The following ZNF518A variants were observed in gnomAD, a reference collection of about 807,000 sequenced individuals.
The protein encoded by ZNF518A is zinc finger protein 518A.
A neutral mutation model predicts 102.7 loss-of-function variants in ZNF518A; 47 were observed. The ratio of observed to expected loss-of-function variants is 0.46; its 90% CI spans 0.36 to 0.58. The LOEUF is 0.58. Ranked by LOEUF, ZNF518A falls within the 20% of genes least tolerant of loss-of-function variation. The pLI is 0.00. For missense variants in ZNF518A, 1,793 were observed against 1,699.8 expected, an observed-to-expected ratio of 1.05 and a Z score of -0.96; for synonymous variants, 652 against 594.6, an observed-to-expected ratio of 1.10 and a Z score of -1.40.
rs2082973731 is a variant in ZNF518A at position 96,160,896 on chromosome 10, GTTGA to G, written c.*126_*129del. 7 of 1,059,764 alleles carry G rather than the reference GTTGA, an allele frequency of 6.6e-6. No individual in the cohort carries two copies. Among genetic ancestry groups the G allele is most frequent in the Non-Finnish European group, 8.9e-6 (7 of 782,534 alleles). The allele number at this position is 1,059,764 out of a possible 1,614,324, so 65.6% of individuals were successfully genotyped here. Reference sequence around the variant, plus strand: ...GTACCTGAAATCGAACATTTTAAAAGTTGATTGTATTTCTGTGGAAGAGTAAAAG... The same window carrying G: ...GTACCTGAAATCGAACATTTTAAAAGTTGTATTTCTGTGGAAGAGTAAAAG... On this transcript the variant is annotated 3_prime_UTR_variant, in exon 6 of 6. Coordinates refer to ENST00000316045, the MANE Select transcript of ZNF518A (RefSeq NM_001330736.2).
Position 96,158,256 on chromosome 10 carries a change from T to G in ZNF518A, c.1934T>G (p.Val645Gly), listed in dbSNP as rs782269686. The change falls in exon 6 of 6, where the codon GTG (valine) becomes GGG (glycine). Residue 645 changes from valine (V) to glycine (G), a missense_variant. Val to Gly is a moderately radical substitution (Grantham distance 109). This residue lies in a region of ZNF518A where 1,741 missense variants were observed against 1,622.6 expected (regional missense o/e 1.07). Coordinates refer to ENST00000316045, the MANE Select transcript of ZNF518A (RefSeq NM_001330736.2). ...TTACCTTTTCATAATTACTCAAAAG[T>G]GAATAATTCTAATAAACGTCGTAGG... is the stretch of plus-strand genomic sequence containing the variant. ...GSLPFHNYSK[V>G]NNSNKRRRFS... 6.2e-7 allele frequency: 1 copy of G among 1,613,496 alleles called. No homozygotes were observed. The highest frequency in any genetic ancestry group is 1.1e-5 in the South Asian group (1 of 91,058).
At position 96,156,203 on chromosome 10, in the gene ZNF518A, T is replaced by A. The variant is rs1554882196; in HGVS notation, c.-120T>A. 6 of 874,194 alleles carry A rather than the reference T, an allele frequency of 6.9e-6. No individual in the cohort carries two copies. In the Admixed American group the frequency reaches 1.2e-4, roughly 18 times the overall value. 54.2% of individuals were successfully genotyped at this position (874,194 alleles called of 1,614,324 possible). ...ATTCTTTGTTTAATTTTAGGTGAGT[T>A]ATTGTGGGAAAAATCCTGTATATTG... On this transcript the variant is annotated 5_prime_UTR_variant, in exon 6 of 6. Transcript: ENST00000316045.
rs907793205 is a variant in ZNF518A at position 96,186,895 on chromosome 10, A to C, written n.36-16679A>C. 3.9e-5 allele frequency among the ~76,000 whole-genome samples: 6 copies of C among 152,338 alleles called. No homozygotes were observed. The East Asian group carries it at 1.2e-3, about 29-fold the overall frequency. ...GGGTCATTCACATATTTAGTAGAAT[A>C]ATATGTCCATCTTGATGCATCAAAG... On this transcript the variant is annotated intron_variant and non_coding_transcript_variant, in intron 1 of 2. Coordinates refer to the ZNF518A transcript ENST00000442635.
In ZNF518A at chr10:96,158,967, C is replaced by A; in HGVS notation, c.2645C>A (p.Ser882Ter). The change falls in exon 6 of 6, where the codon TCA (serine) becomes TAA (stop). Residue 882 changes from serine (S) to a stop codon, truncating the protein, a stop_gained. Transcript: ENST00000316045. LOFTEE classifies it high-confidence loss of function. The stretch of plus-strand genomic sequence containing the variant: ...GATTCAGAGAAGATGCCTAGAATTT[C>A]AGGTTTTGGCACATTACTTAAGACT... The part of the protein sequence containing the change: ...VRDSEKMPRI[S>*]GFGTLLKTQS... 2 of 1,613,496 alleles carry A rather than the reference C, an allele frequency of 1.2e-6. No individual in the cohort carries two copies. Among genetic ancestry groups the A allele is most frequent in the Non-Finnish European group, 1.7e-6 (2 of 1,179,692 alleles).
intron 2 of ZNF518A, among the ~76,000 whole-genome samples, chr10:96,133,321 T>C (rs1040964994): frequency 9.9e-5 from 15 of 152,268 alleles, no homozygotes; most frequent in East Asian, 9.6e-4. Context: ...TTATCTGATA[T>C]GTGTTTATAT....
At chr10:96,183,697 GTTC>G (rs1163132571) in intron 1 of ZNF518A, among the ~76,000 whole-genome samples, 1 of 152,160 alleles carries the variant, frequency 6.6e-6, no homozygotes, top group African/African-American at 2.4e-5. Context: ...TGTGATTTCT[GTTC>G]TTCTGCATTT....
Position 96,159,843 on chromosome 10 carries a change from T to C in ZNF518A, c.3521T>C (p.Val1174Ala), listed in dbSNP as rs368906589. The C allele has an allele frequency of 5.6e-6, 9 of 1,613,512 alleles. No individual in the cohort carries two copies. The African/African-American group carries it at 1.2e-4, about 22-fold the overall frequency. The change falls in exon 6 of 6, where the codon GTA becomes GCA. Residue 1174 changes from valine to alanine, a missense_variant. Coordinates refer to ENST00000316045, the MANE Select transcript of ZNF518A (RefSeq NM_001330736.2). ...NSASSLQKDNVPSNQIIGGEQ... is the reference protein window; with the variant it reads ...NSASSLQKDNAPSNQIIGGEQ... ...GCATCCTCATTGCAAAAAGACAACGTACCATCTAATCAGATTATAGGAGGA... is the reference window on the plus strand; with the variant it reads ...GCATCCTCATTGCAAAAAGACAACGCACCATCTAATCAGATTATAGGAGGA...
chr10:96,136,287 C>T (rs1382759437), intron 3 of ZNF518A, among the ~76,000 whole-genome samples: 2 of 151,532 alleles, frequency 1.3e-5, no homozygotes, highest in South Asian at 2.1e-4. Context: ...TTTTATTCAT[C>T]TGTCTTGAAG....
At chr10:96,179,367 GA>G (rs2083225003) in intron 1 of ZNF518A, among the ~76,000 whole-genome samples, 1 of 152,068 alleles carries the variant, frequency 6.6e-6, no homozygotes, top group South Asian at 2.1e-4. Flanking sequence ...ATGGGCACAT[GA>G]AAAGATACTC....
intron 1 of ZNF518A, among the ~76,000 whole-genome samples, chr10:96,180,569 C>T (rs2083234434): frequency 6.6e-6 from 1 of 151,922 alleles, no homozygotes; most frequent in African/African-American, 2.4e-5. Flanking sequence ...TGTTCACTTC[C>T]CACCTATGAG....
chr10:96,134,254 G>A (rs782642700), intron 3 of ZNF518A, among the ~76,000 whole-genome samples: 4 of 151,994 alleles, frequency 2.6e-5, no homozygotes, highest in Non-Finnish European at 5.9e-5. Context: ...TTTTTGAGAC[G>A]GAGTCTCACT....
downstream of ZNF518A, chr10:96,204,398 C>T (rs10748665): frequency 0.99 from 1,042,574 of 1,056,082 alleles, 515,546 homozygotes; most frequent in East Asian, 1. Flanking sequence ...CCTTTTAACA[C>T]GTAACTGCAA....
At chr10:96,191,873 T>C in intron 1 of ZNF518A, 4 of 1,482,164 alleles carry the variant, frequency 2.7e-6, no homozygotes, top group Non-Finnish European at 3.8e-6. Flanking sequence ...TATTACTGGA[T>C]GATTCATAAT....
exon 3 of ZNF518A, chr10:96,204,066 G>A: frequency 6.2e-7 from 1 of 1,613,652 alleles, no homozygotes; most frequent in Non-Finnish European, 8.5e-7. Context: ...CTTGGCAGAG[G>A]TATGGGTTTT....
In ZNF518A at chr10:96,155,158, A is replaced by G. The variant is rs187132681; in HGVS notation, c.-301-168A>G. ...CTTCAGTATTCAGATTCCTGTCTCA[A>G]CAATATATTGTTATGTCCCATACGT... is the stretch of plus-strand genomic sequence containing the variant. On this transcript the variant is annotated intron_variant, in intron 3 of 5. Transcript: ENST00000316045. 3.1e-4 allele frequency among the ~76,000 whole-genome samples: 46 copies of G among 148,164 alleles called. No homozygotes were observed. The East Asian group carries it at 8.6e-3, about 28-fold the overall frequency.
At position 96,156,923 on chromosome 10, in the gene ZNF518A, C is replaced by T; in HGVS notation, c.601C>T (p.His201Tyr). Residue 201 changes from histidine (H) to tyrosine (Y), a missense_variant, in exon 6 of 6, where the codon CAT (histidine) becomes TAT (tyrosine). His to Tyr is a moderately conservative substitution (Grantham distance 83). Around this residue, in one of 3 missense-constraint regions of ZNF518A, gnomAD observed 1,741 missense variants for 1,622.6 expected, o/e 1.07. Coordinates refer to ENST00000316045, the MANE Select transcript of ZNF518A (RefSeq NM_001330736.2). ...LNLTKHFTST[H>Y]CVNGNFQCEK... ...CTTGACAAAGCATTTCACATCCACA[C>T]ATTGTGTTAATGGTAATTTTCAATG... 6.2e-7 allele frequency: 1 copy of T among 1,613,876 alleles called. No individual in the cohort carries two copies. Among genetic ancestry groups the T allele is most frequent in the Non-Finnish European group, 8.5e-7 (1 of 1,179,806 alleles).
At position 96,130,459 on chromosome 10, in the gene ZNF518A, A is replaced by G. The variant is rs1328875092; in HGVS notation, c.-746A>G. ...TCTAGGAGCTGGGTGGGAGTAGGAGACGGTGTGCCTCCGCGCTCCCCGCGG... is the reference window on the plus strand; with the variant it reads ...TCTAGGAGCTGGGTGGGAGTAGGAGGCGGTGTGCCTCCGCGCTCCCCGCGG... On this transcript the variant is annotated 5_prime_UTR_variant, in exon 1 of 6. Coordinates refer to ENST00000316045, the MANE Select transcript of ZNF518A (RefSeq NM_001330736.2). 6.6e-6 allele frequency among the ~76,000 whole-genome samples: 1 copy of G among 152,100 alleles called. No individual in the cohort carries two copies. Among genetic ancestry groups the G allele is most frequent in the Admixed American group, 6.5e-5 (1 of 15,278 alleles).
intron 3 of ZNF518A, among the ~76,000 whole-genome samples, chr10:96,139,376 A>G (rs2081793492): frequency 6.6e-6 from 1 of 152,030 alleles, no homozygotes; most frequent in Non-Finnish European, 1.5e-5. Flanking sequence ...GGGCCTTTTT[A>G]AGAGGTGATT....
chr10:96,177,063 A>C (rs587600070), intron 1 of ZNF518A, among the ~76,000 whole-genome samples: 3 of 135,242 alleles, frequency 2.2e-5, no homozygotes, highest in African/African-American at 8.1e-5. Context: ...AGGGCAACAG[A>C]GTGAGTCTCT....
Sources: allele counts gnomAD v4.1 joint callset (sites outside exome capture counted in the v4.1 genomes callset), GRCh38; gene constraint gnomAD v4.1.1; regional missense constraint gnomAD v4.1.1; transcripts MANE v1.5; gene names NCBI Gene and HGNC (gene_info 2026-07-23, HGNC 2026-07-21).